Variants in ANXA4 observed in about 807,000 individuals in gnomAD.
ANXA4 encodes 35-beta calcimedin.
ANXA4 carries 39 observed loss-of-function variants against 49.8 expected under a neutral mutation model. The observed-to-expected ratio is 0.78, with a 90% CI of 0.61 to 1.02. ANXA4 has a LOEUF of 1.02. Ranked by LOEUF, ANXA4 falls within the 50% of genes least tolerant of loss-of-function variation. The probability of loss-of-function intolerance (pLI) is 0.00; values close to 1 mark genes in which losing one functional copy is unlikely to be tolerated. For missense variants in ANXA4, 360 were observed against 410.1 expected, an observed-to-expected ratio of 0.88 and a Z score of 1.05; for synonymous variants, 134 against 152.5, an observed-to-expected ratio of 0.88 and a Z score of 0.89.
intron 3 of ANXA4, among the ~76,000 whole-genome samples, chr2:69,728,639 C>G (rs1670022306): frequency 6.6e-6 from 1 of 152,222 alleles, no homozygotes; most frequent in Non-Finnish European, 1.5e-5. Context: ...CTTTTCCTCA[C>G]TACACTGCCA....
intron 1 of ANXA4, among the ~76,000 whole-genome samples, chr2:69,751,416 G>C (rs1670835884): frequency 6.6e-6 from 1 of 151,110 alleles, no homozygotes; most frequent in African/African-American, 2.4e-5. Flanking sequence ...GCTGAGGTGG[G>C]AGAATCGCTT....
rs950438460 is a variant in ANXA4 at position 69,826,731 on chromosome 2, G to T, written c.*1216G>T. ...ACCCAGGAGGCAGGAGGCAAAGGTT[G>T]CAGTGAGCCGAGATCACGCCAGCCT... is the stretch of plus-strand genomic sequence containing the variant. On this transcript the variant is annotated 3_prime_UTR_variant, in exon 13 of 13. Transcript: ENST00000394295. The T allele has an allele frequency of 1.4e-4, 21 of 150,978 alleles. No individual in the cohort carries two copies. Among genetic ancestry groups the T allele is most frequent in the Admixed American group, 6.6e-4 (10 of 15,100 alleles). The allele number at this position is 150,978 out of a possible 1,614,324, so 9.4% of individuals were successfully genotyped here.
chr2:69,731,344 C>T (rs1022107380), intron 3 of ANXA4, among the ~76,000 whole-genome samples: 19 of 152,196 alleles, frequency 1.2e-4, no homozygotes, highest in Admixed American at 1.2e-3. Flanking sequence ...CTTGCTCGAA[C>T]TTAGCAGTGG....
chr2:69,747,104 A>AG (rs1465628494), intron 1 of ANXA4, among the ~76,000 whole-genome samples: 2 of 152,156 alleles, frequency 1.3e-5, no homozygotes, highest in Non-Finnish European at 2.9e-5. Flanking sequence ...CATGTAACAG[A>AG]GCAGGAAGCC....
intron 2 of ANXA4, among the ~76,000 whole-genome samples, chr2:69,667,185 A>G (rs976722279): frequency 2.6e-5 from 4 of 152,262 alleles, no homozygotes; most frequent in East Asian, 1.9e-4. Flanking sequence ...AGGAAATGAA[A>G]GAGACTGCTA....
intron 1 of ANXA4, among the ~76,000 whole-genome samples, chr2:69,774,337 C>CG (rs1227959900): frequency 8.5e-6 from 1 of 118,240 alleles, no homozygotes; most frequent in Non-Finnish European, 1.7e-5. Context: ...GCCCCCCCCC[C>CG]CCCTTTTTTT....
At chr2:69,673,278 G>A (rs1314980897) in intron 2 of ANXA4, among the ~76,000 whole-genome samples, 3 of 152,106 alleles carry the variant, frequency 2.0e-5, no homozygotes, top group Non-Finnish European at 2.9e-5. Context: ...ATGATGGACT[G>A]GATAAACAAA....
intron 1 of ANXA4, among the ~76,000 whole-genome samples, chr2:69,764,694 TAC>T (rs1671430902): frequency 6.6e-6 from 1 of 152,220 alleles, no homozygotes; most frequent in Admixed American, 6.5e-5. Context: ...GTGAAATAAA[TAC>T]ACATGAAATT....
At chr2:69,681,003 G>T (rs540336688) in intron 2 of ANXA4, among the ~76,000 whole-genome samples, 1 of 152,224 alleles carries the variant, frequency 6.6e-6, no homozygotes, top group East Asian at 1.9e-4. Flanking sequence ...TTGGTATAAG[G>T]ATAATGCTGG....
At position 69,695,136 on chromosome 2, in the gene ANXA4, T is replaced by A. The variant is rs538530690; in HGVS notation, n.767-25638T>A. 2.6e-5 allele frequency among the ~76,000 whole-genome samples: 4 copies of A among 151,588 alleles called. No homozygotes were observed. The East Asian group carries it at 5.8e-4, about 22-fold the overall frequency. On this transcript the variant is annotated intron_variant and non_coding_transcript_variant, in intron 2 of 3. Transcript: ENST00000418066. ...TCCAGCTTGGGTGACAGAGCAAGAC[T>A]CTGTCTCAAAAAAGAAAAAAAAAAA...
At chr2:69,791,132 G>A (rs1468499617) in intron 3 of ANXA4, among the ~76,000 whole-genome samples, 3 of 152,164 alleles carry the variant, frequency 2.0e-5, no homozygotes, top group Non-Finnish European at 4.4e-5. Flanking sequence ...ATACCTGTGA[G>A]TTGGATAAAT....
rs569349715 is a variant in ANXA4 at position 69,732,690 on chromosome 2, G to A, written n.864+11819G>A. Reference sequence around the variant, plus strand: ...GGAGAATCACATGAACCCAGGAGGCGGAGGTTGCAGTGAGCTGAGATCGCA... The same window carrying A: ...GGAGAATCACATGAACCCAGGAGGCAGAGGTTGCAGTGAGCTGAGATCGCA... On this transcript the variant is annotated intron_variant and non_coding_transcript_variant, in intron 3 of 3. Transcript: ENST00000418066. Among the ~76,000 whole-genome samples the A allele has an allele frequency of 1.6e-4, 24 of 152,192 alleles. No homozygotes were observed. In the South Asian group the frequency reaches 5.0e-3, roughly 32 times the overall value.
intron 2 of ANXA4, chr2:69,713,904 A>G (rs1463975025): frequency 6.6e-6 from 1 of 152,280 alleles, no homozygotes. Flanking sequence ...ATTCCACTTG[A>G]TGGAGGAACA....
chr2:69,663,486 T>A (rs1454910379), intron 2 of ANXA4, among the ~76,000 whole-genome samples: 1 of 151,808 alleles, frequency 6.6e-6, no homozygotes, highest in Admixed American at 6.6e-5. Flanking sequence ...AAATCTACTA[T>A]TGAGCTTCTC....
At chr2:69,679,055 ATTG>A (rs1255011221) in intron 2 of ANXA4, among the ~76,000 whole-genome samples, 1 of 151,634 alleles carries the variant, frequency 6.6e-6, no homozygotes. Context: ...AGTTGTTTTT[ATTG>A]TTTTGGTTTT....
At chr2:69,751,382 C>G (rs992395486) in intron 1 of ANXA4, among the ~76,000 whole-genome samples, 3 of 151,980 alleles carry the variant, frequency 2.0e-5, no homozygotes, top group Non-Finnish European at 4.4e-5. Context: ...GTGGCACACT[C>G]CTGTAGTCCC....
chr2:69,816,267 G>A, intron 9 of ANXA4, 73 bp downstream of exon 9: 1 of 1,255,116 alleles, frequency 8.0e-7, no homozygotes, highest in Non-Finnish European at 1.2e-6. Context: ...ATAAGTAGTT[G>A]ATAACCTTCC....
chr2:69,732,066 C>T (rs892026535), intron 3 of ANXA4, among the ~76,000 whole-genome samples: 3 of 149,482 alleles, frequency 2.0e-5, no homozygotes, highest in Admixed American at 2.0e-4. Context: ...CTGCAAACTC[C>T]TCCTGGGTTC....
chr2:69,751,507 CAAAAAAAA>C (rs71397349), intron 1 of ANXA4, among the ~76,000 whole-genome samples: 1 of 96,878 alleles, frequency 1.0e-5, no homozygotes, highest in South Asian at 3.6e-4. Context: ...GACCCTGTCT[CAAAAAAAA>C]AAAAAAAAAA....
Sources: gnomAD v4.1 joint callset for allele counts (sites outside exome capture counted in the v4.1 genomes callset) on GRCh38, gnomAD v4.1.1 for gene constraint, MANE v1.5 for transcripts, NCBI Gene and HGNC (gene_info 2026-07-23, HGNC 2026-07-21) for gene names.